Variants in AP1G1 observed in about 807,000 individuals in gnomAD.
AP1G1 encodes the protein AP-1 complex subunit gamma-1.
Under a neutral mutation model 108.3 loss-of-function variants are expected in AP1G1, and 7 were observed. The ratio of observed to expected loss-of-function variants is 0.06; its 90% CI spans 0.04 to 0.12. AP1G1 has a LOEUF of 0.12. AP1G1 is among the 10% of genes least tolerant of loss of function. The pLI, the probability that AP1G1 is intolerant of heterozygous loss-of-function variation, is 1.00. For synonymous variants in AP1G1, 379 were observed against 353.5 expected, an observed-to-expected ratio of 1.07 and a Z score of -0.81; for missense variants, 756 against 1,010.7, an observed-to-expected ratio of 0.75 and a Z score of 3.42.
At chr16:71,754,321 G>A (rs1333424135) in intron 12 of AP1G1, among the ~76,000 whole-genome samples, 2 of 148,004 alleles carry the variant, frequency 1.4e-5, no homozygotes, top group African/African-American at 2.5e-5. Flanking sequence ...ACAAAAAAGA[G>A]AGAGAAAGAA....
intron 1 of AP1G1, among the ~76,000 whole-genome samples, chr16:71,796,741 A>G (rs1263283730): frequency 6.6e-6 from 1 of 152,158 alleles, no homozygotes; most frequent in Non-Finnish European, 1.5e-5. Flanking sequence ...AATTCTCCCT[A>G]AATTGTCACA....
chr16:71,805,865 A>G (rs2032980997), intron 1 of AP1G1, among the ~76,000 whole-genome samples: 1 of 152,058 alleles, frequency 6.6e-6, no homozygotes, highest in Admixed American at 6.6e-5. Flanking sequence ...TACAAAAAAT[A>G]CAAAAATTAG....
chr16:71,777,600 C>CA, intron 2 of AP1G1: 1 of 400,688 alleles, frequency 2.5e-6, no homozygotes, highest in South Asian at 1.9e-5. Context: ...TGTTGGCAGG[C>CA]GGTCATGCCG....
At chr16:71,803,230 T>G (rs2032871299) in intron 1 of AP1G1, among the ~76,000 whole-genome samples, 1 of 152,018 alleles carries the variant, frequency 6.6e-6, no homozygotes, top group African/African-American at 2.4e-5. Flanking sequence ...AATAAATAAA[T>G]AAATAATAAG....
At chr16:71,745,667 C>T in intron 17 of AP1G1, 53 bp from the exon 18 acceptor site, 1 of 1,474,336 alleles carries the variant, frequency 6.8e-7, no homozygotes, top group South Asian at 1.1e-5. Flanking sequence ...GATTCCCTAC[C>T]CAAAATAATC....
rs904763 is a variant in AP1G1 at position 71,739,287 on chromosome 16, G to C, written c.2054C>G (p.Pro685Arg). 7.5e-5 allele frequency: 121 copies of C among 1,612,752 alleles called. No individual in the cohort carries two copies. The highest frequency in any genetic ancestry group is 1.3e-4 in the African/African-American group (10 of 74,748). Residue 685 changes from proline to arginine, a missense_variant, in exon 20 of 23, where the codon CCC (proline) becomes CGC (arginine). By Grantham distance (103) the Pro-to-Arg change is moderately radical (BLOSUM62 -2). Coordinates refer to ENST00000299980, the MANE Select transcript of AP1G1 (RefSeq NM_001128.6). Reference sequence around the variant, plus strand: ...TGATGAAAGCCCATCCAACAAGAAGGGGGGCTGGGATATCTGTGGGACTGA... The same window carrying C: ...TGATGAAAGCCCATCCAACAAGAAGCGGGGCTGGGATATCTGTGGGACTGA... ...PASVPQISQP[P>R]FLLDGLSSQP...
At chr16:71,757,383 G>A (rs979311764) in intron 11 of AP1G1, among the ~76,000 whole-genome samples, 7 of 143,146 alleles carry the variant, frequency 4.9e-5, no homozygotes, top group Admixed American at 7.3e-5. Context: ...CTCAGGAGAC[G>A]GAAGTTGCAG....
rs1213680207 is a variant in AP1G1 at position 71,736,098 on chromosome 16, C to CAAAAAAAAAAAAA, written c.2269-1404_2269-1392dup. Among the ~76,000 whole-genome samples the CAAAAAAAAAAAAA allele has an allele frequency of 3.5e-3, 88 of 25,406 alleles. 14 individuals carry two copies. The East Asian group carries it at 0.14, about 40-fold the overall frequency. 16.7% of individuals were successfully genotyped at this position (25,406 alleles called of 152,430 possible). ...TGGGTGACAGAGTGAGACTCCATCT[C>CAAAAAAAAAAAAA]AAAAAAAAAAAAAAAAAAAATATAT... On this transcript the variant is annotated intron_variant, in intron 21 of 22. Coordinates refer to ENST00000299980, the MANE Select transcript of AP1G1 (RefSeq NM_001128.6).
At chr16:71,773,028 A>C (rs756974625) in intron 4 of AP1G1, 193 bp downstream of exon 4, 1 of 717,304 alleles carries the variant, frequency 1.4e-6, no homozygotes, top group East Asian at 2.9e-5. Context: ...ATATCCAGTA[A>C]CATTTGTTTG....
At chr16:71,776,614 A>G (rs1354162679) in intron 2 of AP1G1, among the ~76,000 whole-genome samples, 4 of 152,256 alleles carry the variant, frequency 2.6e-5, no homozygotes, top group African/African-American at 9.6e-5. Flanking sequence ...AAATGTTCCA[A>G]GAATCAGATA....
chr16:71,772,594 T>C (rs1217042144), intron 4 of AP1G1, among the ~76,000 whole-genome samples: 1 of 152,188 alleles, frequency 6.6e-6, no homozygotes, highest in Non-Finnish European at 1.5e-5. Flanking sequence ...TCCTGGGAAA[T>C]GGCTTGGCCT....
rs557743765 is a variant in AP1G1, at chr16:71,747,769, C to T, written c.1625+482G>A. Among the ~76,000 whole-genome samples the T allele has an allele frequency of 1.8e-4, 28 of 151,948 alleles. No homozygotes were observed. The East Asian group carries it at 5.5e-3, about 30-fold the overall frequency. On this transcript the variant is annotated intron_variant, in intron 16 of 22. Coordinates refer to ENST00000299980, the MANE Select transcript of AP1G1 (RefSeq NM_001128.6). ...GGTCAGGGCAGGAGGATCACTTGAG[C>T]CCAGGAGTTTGAGACCAGCCTGGGC...
chr16:71,751,423 A>G (rs1238992792), intron 13 of AP1G1: 1 of 151,522 alleles, frequency 6.6e-6, no homozygotes, highest in Non-Finnish European at 1.5e-5. Context: ...TTTAATTTGT[A>G]AGACTGAGAC....
At chr16:71,774,028 G>T (rs933890730) in intron 3 of AP1G1, among the ~76,000 whole-genome samples, 2 of 147,492 alleles carry the variant, frequency 1.4e-5, no homozygotes, top group Non-Finnish European at 3.0e-5. Flanking sequence ...CGCCACTGCA[G>T]TCCAGCCTGG....
intron 2 of AP1G1, among the ~76,000 whole-genome samples, chr16:71,786,193 A>G (rs1434248014): frequency 5.3e-5 from 8 of 152,130 alleles, no homozygotes; most frequent in Non-Finnish European, 1.2e-4. Flanking sequence ...GTCCCAAAAT[A>G]CCCCCAAATG....
In AP1G1 at chr16:71,769,638, A is replaced by G; in HGVS notation, c.627T>C (p.Leu209=). The G allele has an allele frequency of 3.1e-6, 5 of 1,613,572 alleles. No homozygotes were observed. Among genetic ancestry groups the G allele is most frequent in the Middle Eastern group, 1.7e-4 (1 of 6,054 alleles). Residue 209 remains leucine (L), a synonymous_variant, in exon 6 of 23, where the codon CTT becomes CTC. Coordinates refer to ENST00000299980, the MANE Select transcript of AP1G1 (RefSeq NM_001128.6). ...TEMCERSPDM[L]AHFRKLVPQL... is the part of the protein sequence containing the mutation. ...TGGCACCTACCTTTCTGAAATGCGC[A>G]AGCATGTCTGGGCTTCGCTCACACA...
At chr16:71,765,759 T>C (rs2031286726) in intron 6 of AP1G1, 175 bp from the exon 7 acceptor site, 1 of 554,274 alleles carries the variant, frequency 1.8e-6, no homozygotes, top group African/African-American at 1.9e-5. Flanking sequence ...CTTAGGGCAA[T>C]ATTCAAGAAG....
intron 2 of AP1G1, among the ~76,000 whole-genome samples, chr16:71,783,234 A>G (rs2032088450): frequency 6.6e-6 from 1 of 152,206 alleles, no homozygotes; most frequent in Non-Finnish European, 1.5e-5. Flanking sequence ...GTACAGTGTA[A>G]TAAGAAAATA....
At chr16:71,736,487 T>C (rs1479660458) in intron 21 of AP1G1, among the ~76,000 whole-genome samples, 1 of 150,492 alleles carries the variant, frequency 6.6e-6, no homozygotes, top group Non-Finnish European at 1.5e-5. Context: ...TTCATGCCAT[T>C]CTCCTGCCTC....
Sources: gnomAD v4.1 joint callset for allele counts (sites outside exome capture counted in the v4.1 genomes callset) on GRCh38, gnomAD v4.1.1 for gene constraint, MANE v1.5 for transcripts, NCBI Gene and HGNC (gene_info 2026-07-23, HGNC 2026-07-21) for gene names.